Variants in IL1RAPL2 observed in about 807,000 individuals in gnomAD.
The protein encoded by IL1RAPL2 is X-linked interleukin-1 receptor accessory protein-like 2.
Under a neutral mutation model 44.1 loss-of-function variants are expected in IL1RAPL2, and 3 were observed. The observed-to-expected ratio is 0.07, with a 90% CI of 0.03 to 0.18. The LOEUF (loss-of-function observed/expected upper bound fraction) is 0.18, where lower values mean the gene tolerates loss of function less well. IL1RAPL2 is among the 10% of genes least tolerant of loss of function. The pLI is 1.00. For synonymous variants in IL1RAPL2, 181 were observed against 178.8 expected (o/e 1.01, Z -0.10); for missense variants, 391 against 496.4 (o/e 0.79, Z 2.02).
In IL1RAPL2 at chrX:104,757,047, G is replaced by A. The variant is rs1932351706; in HGVS notation, c.82+98052G>A. ...TATCCAAGAGAAAGAGAGAGAGAGAGAGTGAAGCTCTGACTTATGTTTTAA... is the reference window on the plus strand; with the variant it reads ...TATCCAAGAGAAAGAGAGAGAGAGAAAGTGAAGCTCTGACTTATGTTTTAA... On this transcript the variant is annotated intron_variant, in intron 2 of 10. Coordinates refer to ENST00000372582, the MANE Select transcript of IL1RAPL2 (RefSeq NM_017416.2). Among the ~76,000 whole-genome samples the A allele has an allele frequency of 4.5e-5, 5 of 110,868 alleles. No individual in the cohort carries two copies. The Admixed American group carries it at 4.8e-4, about 11-fold the overall frequency.
rs758317754 is a variant in IL1RAPL2, at chrX:105,267,307, G to T, written c.544-81G>T. 2.7e-5 allele frequency: 24 copies of T among 873,868 alleles called. No individual in the cohort carries two copies. In the African/African-American group the frequency reaches 4.7e-4, roughly 17 times the overall value. 72.0% of individuals were successfully genotyped at this position (873,868 alleles called of 1,213,427 possible). ...AAACGAAAGAGAATAATACAAAAAA[G>T]TAAAAGTACTAACTTGCTGGTACTG... On this transcript the variant is annotated intron_variant, in intron 4 of 10. Coordinates refer to ENST00000372582, the MANE Select transcript of IL1RAPL2 (RefSeq NM_017416.2).
chrX:104,876,284 C>T (rs1385756686), intron 2 of IL1RAPL2, among the ~76,000 whole-genome samples: 2 of 111,428 alleles, frequency 1.8e-5, no homozygotes, highest in Admixed American at 9.6e-5. Flanking sequence ...GCACATGGAC[C>T]ATGCTTTGAG....
At chrX:105,404,108 T>C (rs999595548) in intron 5 of IL1RAPL2, among the ~76,000 whole-genome samples, 1 of 111,847 alleles carries the variant, frequency 8.9e-6, no homozygotes, top group African/African-American at 3.3e-5. Flanking sequence ...GTCCTGTCCC[T>C]CAACTAGTCT....
At chrX:105,125,416 G>A (rs754337895) in intron 2 of IL1RAPL2, among the ~76,000 whole-genome samples, 5 of 110,476 alleles carry the variant, frequency 4.5e-5, no homozygotes, top group Admixed American at 9.6e-5. Context: ...CCAAAGTCAC[G>A]TGCTAACTCT....
At chrX:105,212,747 G>T (rs782725663) in intron 3 of IL1RAPL2, among the ~76,000 whole-genome samples, 13 of 112,059 alleles carry the variant, frequency 1.2e-4, no homozygotes, top group Non-Finnish European at 2.1e-4. Context: ...GCATCAGGTT[G>T]GTACCCTTCT....
chrX:105,525,271 A>C (rs1361340797), intron 6 of IL1RAPL2, among the ~76,000 whole-genome samples: 1 of 111,746 alleles, frequency 8.9e-6, no homozygotes, highest in African/African-American at 3.2e-5. Context: ...TGAAGGATCA[A>C]AGGTAAAAAT....
In IL1RAPL2 at chrX:104,642,770, C is replaced by A. The variant is rs190049353; in HGVS notation, c.-19-16125C>A. On this transcript the variant is annotated intron_variant, in intron 1 of 10. Transcript: ENST00000372582. ...AAAGTGCTGGGATTACAGGCATGAGCCACCACACCTGGCTGGATTATTTTC... is the reference window on the plus strand; with the variant it reads ...AAAGTGCTGGGATTACAGGCATGAGACACCACACCTGGCTGGATTATTTTC... Among the ~76,000 whole-genome samples, 26 of 112,141 alleles carry A rather than the reference C, an allele frequency of 2.3e-4. No individual in the cohort carries two copies. The East Asian group carries it at 2.5e-3, about 11-fold the overall frequency.
rs565858233 is a variant in IL1RAPL2, at chrX:104,911,546, C to A, written c.82+252551C>A. Among the ~76,000 whole-genome samples, 6 of 111,767 alleles carry A rather than the reference C, an allele frequency of 5.4e-5. No homozygotes were observed. In the South Asian group the frequency reaches 2.3e-3, roughly 42 times the overall value. On this transcript the variant is annotated intron_variant, in intron 2 of 10. Transcript: ENST00000372582. ...GTTCAATCTTCTTTGTCTTCACTAC[C>A]ACCATAGGCAAGTGAACAAATATCT...
intron 6 of IL1RAPL2, among the ~76,000 whole-genome samples, chrX:105,492,750 C>T (rs749350827): frequency 5.6e-4 from 62 of 110,265 alleles, no homozygotes; most frequent in Non-Finnish European, 9.3e-4. Flanking sequence ...CAACTACTTG[C>T]CTCATTTTAA....
chrX:104,788,339 A>G (rs952778665), intron 2 of IL1RAPL2, among the ~76,000 whole-genome samples: 2 of 111,721 alleles, frequency 1.8e-5, no homozygotes, highest in Non-Finnish European at 3.8e-5. Context: ...GACACTGGAC[A>G]AGTAACTTGA....
At chrX:104,892,189 C>T (rs1159985809) in intron 2 of IL1RAPL2, among the ~76,000 whole-genome samples, 3 of 111,467 alleles carry the variant, frequency 2.7e-5, no homozygotes, top group African/African-American at 9.8e-5. Flanking sequence ...CTGCTGGATT[C>T]GGTTTGCCAG....
intron 2 of IL1RAPL2, among the ~76,000 whole-genome samples, chrX:105,172,260 A>G (rs919565377): frequency 2.7e-5 from 3 of 112,753 alleles, no homozygotes; most frequent in African/African-American, 9.7e-5. Context: ...TTGGGGATTA[A>G]GAAGTTATAT....
chrX:105,343,081 A>G (rs1006002744), intron 5 of IL1RAPL2, among the ~76,000 whole-genome samples: 4 of 111,458 alleles, frequency 3.6e-5, no homozygotes, highest in Admixed American at 2.9e-4. Flanking sequence ...CATAGAAAAC[A>G]TTCTACACAA....
intron 2 of IL1RAPL2, among the ~76,000 whole-genome samples, chrX:104,673,771 C>T (rs1930674437): frequency 9.3e-6 from 1 of 107,722 alleles, no homozygotes; most frequent in Middle Eastern, 4.7e-3. Context: ...TCTTTTATTT[C>T]CTTGAGCAGT....
intron 2 of IL1RAPL2, among the ~76,000 whole-genome samples, chrX:105,002,191 T>C (rs937189429): frequency 5.4e-5 from 6 of 111,150 alleles, no homozygotes; most frequent in Non-Finnish European, 1.1e-4. Context: ...AGCCCTTCTA[T>C]ATCTGAACTG....
intron 2 of IL1RAPL2, among the ~76,000 whole-genome samples, chrX:104,709,074 T>C (rs1249362331): frequency 1.8e-5 from 2 of 111,190 alleles, no homozygotes; most frequent in Non-Finnish European, 3.8e-5. Flanking sequence ...GCGCAGTGCT[T>C]AAGAATGTAT....
intron 6 of IL1RAPL2, among the ~76,000 whole-genome samples, chrX:105,665,215 G>A (rs1010287635): frequency 5.4e-5 from 6 of 111,390 alleles, no homozygotes; most frequent in Admixed American, 9.6e-5. Context: ...GCCAACTGTA[G>A]TTGATAATCA....
At chrX:105,387,570 A>G (rs1189578012) in intron 5 of IL1RAPL2, among the ~76,000 whole-genome samples, 1 of 111,281 alleles carries the variant, frequency 9.0e-6, no homozygotes, top group Non-Finnish European at 1.9e-5. Flanking sequence ...ATCTAACTTA[A>G]TGATTATGAG....
intron 4 of IL1RAPL2, among the ~76,000 whole-genome samples, chrX:105,259,579 G>T (rs943689793): frequency 9.0e-6 from 1 of 111,587 alleles, no homozygotes; most frequent in South Asian, 3.8e-4. Flanking sequence ...AGGATGAAGG[G>T]CCTGTGCTGT....
Sources: allele counts gnomAD v4.1 joint callset (sites outside exome capture counted in the v4.1 genomes callset), GRCh38; gene constraint gnomAD v4.1.1; transcripts MANE v1.5; gene names NCBI Gene and HGNC (gene_info 2026-07-23, HGNC 2026-07-21).